Variants in ZC3H13 observed in about 807,000 individuals in gnomAD.
ZC3H13 encodes zinc finger CCCH-type containing 13.
A neutral mutation model predicts 204.1 loss-of-function variants in ZC3H13; 64 were observed. The ratio of observed to expected loss-of-function variants is 0.31; its 90% CI spans 0.26 to 0.39. The LOEUF is 0.39. Among genes scored for constraint, ZC3H13 ranks in the 10% least tolerant of loss-of-function variants. The pLI is 1.00. For synonymous variants in ZC3H13, 667 were observed against 693.7 expected (o/e 0.96, Z 0.60); for missense variants, 1,833 against 2,082.7 (o/e 0.88, Z 2.33).
intron 10 of ZC3H13, among the ~76,000 whole-genome samples, chr13:45,981,966 T>C (rs1953666036): frequency 1.3e-5 from 2 of 151,384 alleles, no homozygotes; most frequent in African/African-American, 4.9e-5. Flanking sequence ...CATGTATACA[T>C]ATGTAACTAA....
chr13:46,012,720 C>A (rs570685177), intron 5 of ZC3H13, among the ~76,000 whole-genome samples: 1 of 152,024 alleles, frequency 6.6e-6, no homozygotes, highest in Non-Finnish European at 1.5e-5. Context: ...AAAGCAATTA[C>A]TAAATATTTA....
intron 5 of ZC3H13, 146 bp downstream of exon 5, chr13:46,020,303 C>T (rs1349608194): frequency 5.9e-6 from 4 of 677,192 alleles, no homozygotes; most frequent in Non-Finnish European, 1.0e-5. Flanking sequence ...CAGTTTTTGC[C>T]TTATAATTCA....
At chr13:45,997,758 A>C (rs2040444067) in intron 8 of ZC3H13, among the ~76,000 whole-genome samples, 1 of 152,160 alleles carries the variant, frequency 6.6e-6, no homozygotes, top group Non-Finnish European at 1.5e-5. Flanking sequence ...GTAACTCAAT[A>C]GAGAGCCATC....
Position 45,963,940 on chromosome 13 carries a change from G to C in ZC3H13, c.4577C>G (p.Ala1526Gly). The change falls in exon 17 of 19, where the codon GCT (alanine) becomes GGT (glycine). Residue 1526 changes from alanine to glycine, a missense_variant. Around this residue, in one of 5 missense-constraint regions of ZC3H13, gnomAD observed 211 missense variants for 228.4 expected, o/e 0.92. Transcript: ENST00000679008. ...GAALLKFTPG[A>G]VMLRVGISKK... ...AGAAATCCCAACTCTTAGCATAACA[G>C]CTCCAGGTGTGAATTTTAAGAGTGC... The C allele has an allele frequency of 6.2e-7, 1 of 1,614,122 alleles. No homozygotes were observed. Among genetic ancestry groups the C allele is most frequent in the Non-Finnish European group, 8.5e-7 (1 of 1,180,014 alleles).
rs10678022 is a variant in ZC3H13, at chr13:45,983,414, T to TATATATATATATATATATATATA, written c.1720+1882_1720+1883insTATATATATATATATATATATAT. On this transcript the variant is annotated intron_variant, in intron 10 of 18. Coordinates refer to ENST00000679008, the MANE Select transcript of ZC3H13 (RefSeq NM_001330564.2). ...AGCCCCTTCTACTTATATATATATA[T>TATATATATATATATATATATATA]TTTTTTTTTTTTTTTTTTTTTTTTT... is the stretch of plus-strand genomic sequence containing the variant. Among the ~76,000 whole-genome samples the TATATATATATATATATATATATA allele has an allele frequency of 4.4e-3, 91 of 20,504 alleles. 3 individuals carry two copies. Among genetic ancestry groups the TATATATATATATATATATATATA allele is most frequent in the East Asian group, 0.01 (5 of 496 alleles). 13.5% of individuals were successfully genotyped at this position (20,504 alleles called of 152,430 possible). A position where few individuals can be genotyped will look rare whatever the true frequency, so the allele number is the denominator to read the frequency against.
At chr13:45,984,336 C>A (rs550291575) in intron 10 of ZC3H13, among the ~76,000 whole-genome samples, 9 of 152,012 alleles carry the variant, frequency 5.9e-5, no homozygotes, top group African/African-American at 2.2e-4. Context: ...CACTATATAT[C>A]CTTTTATACA....
chr13:45,971,780 A>G (rs1593482794), intron 12 of ZC3H13, among the ~76,000 whole-genome samples: 2 of 152,202 alleles, frequency 1.3e-5, no homozygotes. Context: ...TCCAGAATCT[A>G]TAAGAAACTC....
Position 45,956,963 on chromosome 13 carries a change from G to T in ZC3H13, c.*164C>A. 1.8e-6 allele frequency: 1 copy of T among 561,540 alleles called. No homozygotes were observed. The allele number at this position is 561,540 out of a possible 1,614,324, so 34.8% of individuals were successfully genotyped here. On this transcript the variant is annotated 3_prime_UTR_variant, in exon 19 of 19. Coordinates refer to ENST00000679008, the MANE Select transcript of ZC3H13 (RefSeq NM_001330564.2). ...AAAATTAACGTAAAATCTTAAGTTG[G>T]CCAAAACTAGTGTCTCTAAAGATCA...
chr13:45,958,846 G>A (rs1951473759), intron 18 of ZC3H13, among the ~76,000 whole-genome samples: 1 of 152,002 alleles, frequency 6.6e-6, no homozygotes, highest in African/African-American at 2.4e-5. Flanking sequence ...AGTAGAGACA[G>A]GGTTTCATTG....
chr13:45,961,155 T>C (rs1409922178), intron 17 of ZC3H13, among the ~76,000 whole-genome samples: 2 of 152,126 alleles, frequency 1.3e-5, no homozygotes, highest in Non-Finnish European at 2.9e-5. Context: ...GATTCAGATA[T>C]ACCAATGTTT....
At chr13:45,987,567 T>C (rs756669260) in intron 9 of ZC3H13, among the ~76,000 whole-genome samples, 1 of 152,140 alleles carries the variant, frequency 6.6e-6, no homozygotes, top group Admixed American at 6.5e-5. Context: ...AAATAGGTGC[T>C]TTCTCCAGTC....
intron 3 of ZC3H13, 67 bp downstream of exon 3, chr13:46,044,888 T>A: frequency 8.5e-7 from 1 of 1,173,458 alleles, no homozygotes; most frequent in Non-Finnish European, 1.2e-6. Context: ...TTTCAGATTT[T>A]TATACTAGAT....
Position 45,985,751 on chromosome 13 carries a change from G to C in ZC3H13, c.1266C>G (p.Gly422=). The C allele has an allele frequency of 6.2e-7, 1 of 1,601,238 alleles. No homozygotes were observed. Among genetic ancestry groups the C allele is most frequent in the East Asian group, 2.2e-5 (1 of 44,786 alleles). Residue 422 remains glycine (G), a synonymous_variant, in exon 10 of 19, where the codon GGC becomes GGG. Transcript: ENST00000679008. ...RRHERREDTR[G]KRDREKDSRE... ...TTGAGTCCTTTTCTCTGTCTCGTTT[G>C]CCCCTAGTATCTGTAATGCAATTTT...
At chr13:46,000,623 C>T (rs948340092) in intron 8 of ZC3H13, among the ~76,000 whole-genome samples, 1 of 152,180 alleles carries the variant, frequency 6.6e-6, no homozygotes, top group Non-Finnish European at 1.5e-5. Context: ...ATCTTTTATC[C>T]AGCCCACTCA....
rs1413203609 is a variant in ZC3H13, at chr13:45,958,648, G to GTTTCT, written c.4839+834_4839+835insAGAAA. ...CTCACCACCCCAAATAAAAATCCCA[G>GTTTCT]TTTTTTTTTTTTTTTTTTTTTTTTT... On this transcript the variant is annotated intron_variant, in intron 18 of 18. Transcript: ENST00000679008. Among the ~76,000 whole-genome samples the GTTTCT allele has an allele frequency of 8.1e-5, 10 of 123,674 alleles. 1 individual carries two copies. The highest frequency in any genetic ancestry group is 2.4e-4 in the African/African-American group (8 of 32,932). 81.1% of individuals were successfully genotyped at this position (123,674 alleles called of 152,430 possible). A position where few individuals can be genotyped will look rare whatever the true frequency, so the allele number is the denominator to read the frequency against.
chr13:46,012,911 C>G (rs575260872), intron 5 of ZC3H13, among the ~76,000 whole-genome samples: 3 of 152,168 alleles, frequency 2.0e-5, no homozygotes, highest in Admixed American at 1.3e-4. Context: ...AACCAAATAC[C>G]CAGGTAAAAC....
intron 4 of ZC3H13, among the ~76,000 whole-genome samples, chr13:46,028,382 A>T (rs1224833576): frequency 6.6e-6 from 1 of 152,244 alleles, no homozygotes; most frequent in Non-Finnish European, 1.5e-5. Flanking sequence ...TGAGGATTTC[A>T]CACCCTTCCA....
chr13:46,002,973 C>T (rs893209296), intron 8 of ZC3H13, among the ~76,000 whole-genome samples, 166 bp downstream of exon 8: 1 of 151,910 alleles, frequency 6.6e-6, no homozygotes, highest in African/African-American at 2.4e-5. Flanking sequence ...ACTGAATTAT[C>T]CATGACTCAT....
At chr13:45,977,727 C>T (rs527357239) in intron 11 of ZC3H13, among the ~76,000 whole-genome samples, 1 of 121,204 alleles carries the variant, frequency 8.3e-6, no homozygotes, top group East Asian at 2.8e-4. Context: ...TTCTTAGATG[C>T]CTATGTCATC....
Sources: allele counts gnomAD v4.1 joint callset (sites outside exome capture counted in the v4.1 genomes callset), GRCh38; gene constraint gnomAD v4.1.1; regional missense constraint gnomAD v4.1.1; transcripts MANE v1.5; gene names NCBI Gene and HGNC (gene_info 2026-07-23, HGNC 2026-07-21).